Variants in SPDL1 observed in about 807,000 individuals in gnomAD.
The protein encoded by SPDL1 is spindle apparatus coiled-coil protein 1.
SPDL1 carries 85 observed loss-of-function variants against 79.5 expected under a neutral mutation model. The ratio of observed to expected loss-of-function variants is 1.07; its 90% CI spans 0.90 to 1.28. SPDL1 has a LOEUF of 1.28. Among genes scored for constraint, SPDL1 ranks in the 50% most tolerant of loss-of-function variants. The pLI, the probability that SPDL1 is intolerant of heterozygous loss-of-function variation, is 0.00. For synonymous variants in SPDL1, 269 were observed against 240.3 expected (o/e 1.12, Z -1.10); for missense variants, 703 against 697.8 (o/e 1.01, Z -0.08).
chr5:169,601,161 G>T (rs569716161), intron 10 of SPDL1, 119 bp from the exon 11 acceptor site: 3 of 777,052 alleles, frequency 3.9e-6, no homozygotes, highest in Admixed American at 6.0e-5. Context: ...TCAGTGAGGA[G>T]ATGGTTGCAT....
chr5:169,595,924 A>G (rs1755558019), intron 7 of SPDL1: 1 of 152,138 alleles, frequency 6.6e-6, no homozygotes. Flanking sequence ...ACTCTTTTCA[A>G]CTCCAGAAAT....
At chr5:169,589,669 A>G (rs1446319181) in intron 2 of SPDL1, among the ~76,000 whole-genome samples, 7 of 150,974 alleles carry the variant, frequency 4.6e-5, no homozygotes, top group South Asian at 2.1e-4. Context: ...TTACTATGTA[A>G]TGTAAAGTTG....
At chr5:169,600,445 G>A (rs1265247834) in intron 10 of SPDL1, among the ~76,000 whole-genome samples, 9 of 152,190 alleles carry the variant, frequency 5.9e-5, no homozygotes, top group East Asian at 1.9e-4. Flanking sequence ...CAAAGGAGCA[G>A]TGCCAGAAAA....
At chr5:169,589,791 TC>T (rs1440092031) in intron 2 of SPDL1, among the ~76,000 whole-genome samples, 1 of 151,768 alleles carries the variant, frequency 6.6e-6, no homozygotes, top group African/African-American at 2.4e-5. Flanking sequence ...ATCCTCCACC[TC>T]CTGGGTTCAA....
intron 1 of SPDL1, among the ~76,000 whole-genome samples, chr5:169,586,958 TCTA>T (rs372165659): frequency 6.6e-6 from 1 of 152,190 alleles, no homozygotes; most frequent in African/African-American, 2.4e-5. Flanking sequence ...TTGCCCACTC[TCTA>T]CTATCTCTTA....
intron 10 of SPDL1, among the ~76,000 whole-genome samples, chr5:169,600,419 C>G (rs1479713536): frequency 6.6e-6 from 1 of 152,094 alleles, no homozygotes; most frequent in Admixed American, 6.6e-5. Context: ...GTAGTGAATC[C>G]TGATAATGTG....
In SPDL1 at chr5:169,598,903, A is replaced by G. The variant is rs566636417; in HGVS notation, c.1137-69A>G. 7.0e-5 allele frequency: 103 copies of G among 1,478,848 alleles called. No individual in the cohort carries two copies. In the Middle Eastern group the frequency reaches 8.5e-4, roughly 12 times the overall value. The allele number at this position is 1,478,848 out of a possible 1,614,324, so 91.6% of individuals were successfully genotyped here. A position where few individuals can be genotyped will look rare whatever the true frequency, so the allele number is the denominator to read the frequency against. On this transcript the variant is annotated intron_variant, in intron 9 of 11. Coordinates refer to ENST00000265295, the MANE Select transcript of SPDL1 (RefSeq NM_017785.5). ...ACTAAGAATTCAAATATGCGATGAA[A>G]TATTTATACCACTACACTTATTATA...
intron 10 of SPDL1, among the ~76,000 whole-genome samples, chr5:169,600,800 ATTC>A (rs1187122590): frequency 6.6e-6 from 1 of 152,226 alleles, no homozygotes; most frequent in Non-Finnish European, 1.5e-5. Flanking sequence ...AGTTTGGCCT[ATTC>A]TTGTCATTTA....
chr5:169,596,514 C>G, intron 7 of SPDL1, 47 bp from the exon 8 acceptor site: 1 of 1,509,978 alleles, frequency 6.6e-7, no homozygotes, highest in South Asian at 1.2e-5. Flanking sequence ...TTATCAGAAT[C>G]TTTCTCTCAC....
rs1385138729 is a variant in SPDL1 at position 169,604,667 on chromosome 5, T to A, written c.*460T>A. On this transcript the variant is annotated 3_prime_UTR_variant, in exon 12 of 12. Coordinates refer to ENST00000265295, the MANE Select transcript of SPDL1 (RefSeq NM_017785.5). ...GTGGCTTAAAATATATACATTATAT[T>A]GTTTCAGGATTTTGTCAGTGTTTAA... is the stretch of plus-strand genomic sequence containing the variant. 2.0e-5 allele frequency: 3 copies of A among 152,230 alleles called. No homozygotes were observed. Among genetic ancestry groups the A allele is most frequent in the Non-Finnish European group, 4.4e-5 (3 of 68,040 alleles). 9.4% of individuals were successfully genotyped at this position (152,230 alleles called of 1,614,324 possible). A position where few individuals can be genotyped will look rare whatever the true frequency, so the allele number is the denominator to read the frequency against.
At chr5:169,595,546 T>C (rs2113363947) in intron 7 of SPDL1, 1 of 152,304 alleles carries the variant, frequency 6.6e-6, no homozygotes, top group East Asian at 1.9e-4. Flanking sequence ...TGTAGTAAAA[T>C]ACTTAACCTG....
intron 3 of SPDL1, among the ~76,000 whole-genome samples, chr5:169,592,633 T>A (rs1755355249): frequency 6.6e-6 from 1 of 152,178 alleles, no homozygotes; most frequent in African/African-American, 2.4e-5. Flanking sequence ...ACAGATAATA[T>A]CATCCAGCTT....
At position 169,604,236 on chromosome 5, in the gene SPDL1, C is replaced by G. The variant is rs374055650; in HGVS notation, c.*29C>G. 7.9e-6 allele frequency: 12 copies of G among 1,516,816 alleles called. No individual in the cohort carries two copies. Among genetic ancestry groups the G allele is most frequent in the Non-Finnish European group, 1.1e-5 (12 of 1,135,046 alleles). 94.0% of individuals were successfully genotyped at this position (1,516,816 alleles called of 1,614,324 possible). On this transcript the variant is annotated 3_prime_UTR_variant, in exon 12 of 12. Coordinates refer to ENST00000265295, the MANE Select transcript of SPDL1 (RefSeq NM_017785.5). Reference sequence around the variant, plus strand: ...CTTGTCTTTAATAAGAGTACGGTGCCACTTGCCTCAAAAGTTACTATGGTG... The same window carrying G: ...CTTGTCTTTAATAAGAGTACGGTGCGACTTGCCTCAAAAGTTACTATGGTG...
rs1287918503 is a variant in SPDL1 at position 169,604,142 on chromosome 5, A to G, written c.1753A>G (p.Lys585Glu). 1 of 1,613,606 alleles carries G rather than the reference A, an allele frequency of 6.2e-7. No individual in the cohort carries two copies. Reference protein sequence around the residue: ...SSKLEKETCKKLHPILYVSSK... With the variant: ...SSKLEKETCKELHPILYVSSK... ...CAAATTGGAAAAAGAAACTTGTAAGAAATTACACCCTATTCTATATGTGTC... is the reference window on the plus strand; with the variant it reads ...CAAATTGGAAAAAGAAACTTGTAAGGAATTACACCCTATTCTATATGTGTC... The change falls in exon 12 of 12, where the codon AAA becomes GAA. Residue 585 changes from lysine to glutamate, a missense_variant. Lys to Glu is a moderately conservative substitution (Grantham distance 56). Transcript: ENST00000265295.
intron 2 of SPDL1, among the ~76,000 whole-genome samples, chr5:169,589,863 C>T (rs144863569): frequency 0.057 from 8,715 of 152,030 alleles, 368 homozygotes; most frequent in Non-Finnish European, 0.094. Context: ...CCACCACATC[C>T]GGCTAATTTT....
In SPDL1 at chr5:169,601,443, TAAC is replaced by T; in HGVS notation, c.1492_1494del (p.Asn498del). ...AGTCCTGCCCTAACAGTTTAGAAGA[TAAC>T]AACTTGCAATTAGAAAAATCAGTTT... On this transcript the variant is annotated inframe_deletion, in exon 11 of 12. Transcript: ENST00000265295. 6.2e-7 allele frequency: 1 copy of T among 1,614,154 alleles called. No homozygotes were observed. The highest frequency in any genetic ancestry group is 8.5e-7 in the Non-Finnish European group (1 of 1,180,010).
rs113603139 is a variant in SPDL1 at position 169,603,672 on chromosome 5, G to A, written c.1671-388G>A. On this transcript the variant is annotated intron_variant, in intron 11 of 11. Transcript: ENST00000265295. The stretch of plus-strand genomic sequence containing the variant: ...AGATCAAGACCATCCTGACCAACGT[G>A]GTGAAACCCTGTCTCTACTAAAAAT... 6.8e-3 allele frequency among the ~76,000 whole-genome samples: 1,039 copies of A among 152,184 alleles called. 16 individuals are homozygous for A. The highest frequency in any genetic ancestry group is 0.024 in the African/African-American group (989 of 41,512).
intron 8 of SPDL1, among the ~76,000 whole-genome samples, chr5:169,597,634 A>C (rs921936558): frequency 2.6e-5 from 4 of 152,184 alleles, no homozygotes; most frequent in Admixed American, 2.6e-4. Flanking sequence ...ATGCAATTTA[A>C]GATTTTATAA....
chr5:169,596,805 G>C, intron 8 of SPDL1, 104 bp downstream of exon 8: 4 of 952,920 alleles, frequency 4.2e-6, no homozygotes, highest in Non-Finnish European at 6.1e-6. Context: ...TCTTGTGGGA[G>C]ATACTTTGAG....
Sources: allele counts gnomAD v4.1 joint callset (sites outside exome capture counted in the v4.1 genomes callset), GRCh38; gene constraint gnomAD v4.1.1; transcripts MANE v1.5; gene names NCBI Gene and HGNC (gene_info 2026-07-23, HGNC 2026-07-21).